PLPP3: variants seen among roughly 807,000 people sequenced by gnomAD.
The protein encoded by PLPP3 is PAP2 beta.
Under a neutral mutation model 29.6 loss-of-function variants are expected in PLPP3, and 6 were observed. The ratio of observed to expected loss-of-function variants is 0.20; its 90% CI spans 0.11 to 0.40. The LOEUF (loss-of-function observed/expected upper bound fraction) is 0.40, where lower values mean the gene tolerates loss of function less well. Ranked by LOEUF, PLPP3 falls within the 10% of genes least tolerant of loss-of-function variation. The pLI, the probability that PLPP3 is intolerant of heterozygous loss-of-function variation, is 1.00. For missense variants in PLPP3, 308 were observed against 407.7 expected, an observed-to-expected ratio of 0.76 and a Z score of 2.11; for synonymous variants, 152 against 159.7, an observed-to-expected ratio of 0.95 and a Z score of 0.36.
chr1:56,562,160 G>T (rs894201414), intron 1 of PLPP3, among the ~76,000 whole-genome samples: 2 of 151,946 alleles, frequency 1.3e-5, no homozygotes, highest in African/African-American at 2.4e-5. Flanking sequence ...TGGGAGAAGG[G>T]TGTGAAGGGG....
chr1:56,536,849 G>A (rs1645930272), intron 2 of PLPP3, 106 bp downstream of exon 2: 1 of 1,412,488 alleles, frequency 7.1e-7, no homozygotes, highest in South Asian at 1.4e-5. Flanking sequence ...GCCAGAGAAA[G>A]TTGGCTTCTA....
intron 1 of PLPP3, among the ~76,000 whole-genome samples, chr1:56,557,044 G>A (rs373401595): frequency 0.059 from 468 of 7,994 alleles, 61 homozygotes; most frequent in Middle Eastern, 0.17. Flanking sequence ...GAGAGAGAGA[G>A]AGAGAGAGAG....
At chr1:56,521,844 AATATACCTCT>A (rs1645821682) in intron 4 of PLPP3, among the ~76,000 whole-genome samples, 1 of 151,948 alleles carries the variant, frequency 6.6e-6, no homozygotes, top group Non-Finnish European at 1.5e-5. Context: ...CTTCAATCAA[AATATACCTCT>A]CACCCATCAT....
chr1:56,513,206 A>G (rs924444533), intron 4 of PLPP3: 2 of 152,382 alleles, frequency 1.3e-5, no homozygotes, highest in African/African-American at 4.8e-5. Context: ...TAAAAAAAAA[A>G]CCACCTCTAG....
At chr1:56,496,757 C>T (rs1217680646) in intron 5 of PLPP3, 81 bp from the exon 6 acceptor site, 18 of 1,505,906 alleles carry the variant, frequency 1.2e-5, no homozygotes, top group African/African-American at 1.1e-4. Flanking sequence ...GTCAGAGGAG[C>T]GCAGACTTCA....
rs756051843 is a variant in PLPP3 at position 56,523,878 on chromosome 1, T to A, written c.578A>T (p.Lys193Met). Residue 193 changes from lysine to methionine, a missense_variant and splice_region_variant, in exon 4 of 6, where the codon AAG (lysine) becomes ATG (methionine). Physicochemically the swap from Lys to Met is moderately conservative, Grantham distance 95 (BLOSUM62 -1). This residue lies in a region of PLPP3 where 232 missense variants were observed against 317.2 expected (regional missense o/e 0.73). Transcript: ENST00000371250. ...GDDSKVQEARKSFFSGHASFS... is the reference protein window; with the variant it reads ...GDDSKVQEARMSFFSGHASFS... ...GGAGGCATGGCCAGAGAAGAAGGAC[T>A]TCCTGCAAGAGCAAGAGAGGGCCAT... The A allele has an allele frequency of 6.2e-7, 1 of 1,613,596 alleles. No homozygotes were observed. The highest frequency in any genetic ancestry group is 8.5e-7 in the Non-Finnish European group (1 of 1,179,668).
rs1645744878 is a variant in PLPP3 at position 56,512,117 on chromosome 1, G to C, written c.669C>G (p.Ala223=). 3 of 1,608,948 alleles carry C rather than the reference G, an allele frequency of 1.9e-6. No individual in the cohort carries two copies. In the East Asian group the frequency reaches 6.7e-5, roughly 36 times the overall value. Reference sequence around the variant, plus strand: ...ACTGCAGGAGGGGCCGGAGCAGGCGGGCTCCTCGCCAAGTGAAGCGGGCCT... The same window carrying C: ...ACTGCAGGAGGGGCCGGAGCAGGCGCGCTCCTCGCCAAGTGAAGCGGGCCT... ...YLQARFTWRG[A]RLLRPLLQFT... The change falls in exon 5 of 6, where the codon GCC becomes GCG. Residue 223 remains alanine (A), a synonymous_variant. Transcript: ENST00000371250.
chr1:56,506,642 G>A (rs1569864579), intron 5 of PLPP3, among the ~76,000 whole-genome samples: 1 of 152,332 alleles, frequency 6.6e-6, no homozygotes, highest in East Asian at 1.9e-4. Context: ...GGGAGGAGGT[G>A]ACCAGATATG....
chr1:56,506,204 G>A (rs1645700969), intron 5 of PLPP3, among the ~76,000 whole-genome samples: 1 of 152,172 alleles, frequency 6.6e-6, no homozygotes, highest in Admixed American at 6.5e-5. Flanking sequence ...AAGCATGCTT[G>A]GAATTTACTG....
chr1:56,554,253 T>C (rs1257254452), intron 1 of PLPP3, among the ~76,000 whole-genome samples: 4 of 152,082 alleles, frequency 2.6e-5, no homozygotes, highest in Non-Finnish European at 5.9e-5. Context: ...AGAATCAATC[T>C]TGACGGGTTA....
At chr1:56,521,923 G>C (rs1645822418) in intron 4 of PLPP3, among the ~76,000 whole-genome samples, 1 of 152,150 alleles carries the variant, frequency 6.6e-6, no homozygotes, top group Admixed American at 6.5e-5. Context: ...GGAGGGAGGG[G>C]ACATCTCAAC....
At chr1:56,496,735 G>A in intron 5 of PLPP3, 59 bp from the exon 6 acceptor site, 1 of 1,595,450 alleles carries the variant, frequency 6.3e-7, no homozygotes, top group African/African-American at 1.3e-5. Flanking sequence ...TGGGTACAGA[G>A]GGAAAAGGAA....
At chr1:56,550,011 T>C (rs1361071516) in intron 1 of PLPP3, among the ~76,000 whole-genome samples, 5 of 152,178 alleles carry the variant, frequency 3.3e-5, no homozygotes, top group African/African-American at 1.2e-4. Flanking sequence ...TGAAGAATAG[T>C]GATAAGGCCA....
At chr1:56,567,074 T>C (rs1646165868) in intron 1 of PLPP3, among the ~76,000 whole-genome samples, 1 of 152,204 alleles carries the variant, frequency 6.6e-6, no homozygotes, top group Non-Finnish European at 1.5e-5. Flanking sequence ...TTCAAAGTAC[T>C]CTGAAGATCC....
chr1:56,546,548 A>G (rs1646007756), intron 1 of PLPP3, among the ~76,000 whole-genome samples: 2 of 152,174 alleles, frequency 1.3e-5, no homozygotes, highest in Admixed American at 1.3e-4. Context: ...CCCAAGACTG[A>G]GCCTCCTATC....
chr1:56,566,053 G>A (rs568777705), intron 1 of PLPP3, among the ~76,000 whole-genome samples: 6 of 152,354 alleles, frequency 3.9e-5, no homozygotes, highest in African/African-American at 1.4e-4. Context: ...AGTCTAGGCA[G>A]AGGCTGATGC....
At chr1:56,545,344 A>G (rs1022423227) in intron 1 of PLPP3, among the ~76,000 whole-genome samples, 5 of 152,224 alleles carry the variant, frequency 3.3e-5, no homozygotes, top group Non-Finnish European at 5.9e-5. Context: ...TTGATAAAAT[A>G]AGTTATTTCT....
chr1:56,532,424 A>G (rs953260836), intron 2 of PLPP3, among the ~76,000 whole-genome samples: 1 of 152,034 alleles, frequency 6.6e-6, no homozygotes, highest in African/African-American at 2.4e-5. Flanking sequence ...TGAGGAGGCA[A>G]TGTTGAGGAA....
intron 1 of PLPP3, among the ~76,000 whole-genome samples, chr1:56,546,259 TG>T (rs1646005595): frequency 6.6e-6 from 1 of 152,186 alleles, no homozygotes. Context: ...AGGCTGTCTG[TG>T]GGTTGCCATT....
Sources: gnomAD v4.1 joint callset for allele counts (sites outside exome capture counted in the v4.1 genomes callset) on GRCh38, gnomAD v4.1.1 for gene constraint, gnomAD v4.1.1 regional missense constraint, MANE v1.5 for transcripts, NCBI Gene and HGNC (gene_info 2026-07-23, HGNC 2026-07-21) for gene names.